The following GALNTL6 variants were observed in gnomAD, a reference collection of about 807,000 sequenced individuals.
GALNTL6 encodes polypeptide N-acetylgalactosaminyltransferase-like 6.
Under a neutral mutation model 73.7 loss-of-function variants are expected in GALNTL6, and 46 were observed. The observed-to-expected ratio is 0.62, with a 90% CI of 0.49 to 0.80. The LOEUF (loss-of-function observed/expected upper bound fraction) is 0.80. GALNTL6 is among the 30% of genes least tolerant of loss of function. The probability of loss-of-function intolerance (pLI) is 0.00; values close to 1 mark genes in which losing one functional copy is unlikely to be tolerated. For synonymous variants in GALNTL6, 259 were observed against 263.7 expected (o/e 0.98, Z 0.17); for missense variants, 604 against 755.0 (o/e 0.80, Z 2.34).
At chr4:171,953,699 C>T (rs552340910) in intron 2 of GALNTL6, among the ~76,000 whole-genome samples, 48 of 152,140 alleles carry the variant, frequency 3.2e-4, no homozygotes, top group African/African-American at 1.2e-3. Flanking sequence ...GAAAAAGCAA[C>T]ATACATGGAG....
intron 5 of GALNTL6, among the ~76,000 whole-genome samples, chr4:172,766,819 G>A (rs771865905): frequency 6.6e-6 from 1 of 152,160 alleles, no homozygotes; most frequent in Non-Finnish European, 1.5e-5. Context: ...TAGTGCCAAC[G>A]AATTACTGCA....
chr4:172,586,266 A>G (rs181090294), intron 5 of GALNTL6, among the ~76,000 whole-genome samples: 97 of 152,338 alleles, frequency 6.4e-4, no homozygotes, highest in African/African-American at 1.8e-3. Context: ...AGGAAAGAGA[A>G]TACCTTCTCC....
chr4:172,454,863 T>C (rs1732333543), intron 5 of GALNTL6, among the ~76,000 whole-genome samples: 1 of 152,176 alleles, frequency 6.6e-6, no homozygotes, highest in African/African-American at 2.4e-5. Context: ...CAAATGAAAA[T>C]AGGAAATCCT....
intron 4 of GALNTL6, among the ~76,000 whole-genome samples, chr4:172,343,732 T>C (rs148170368): frequency 6.7e-4 from 102 of 152,264 alleles, no homozygotes; most frequent in African/African-American, 2.2e-3. Flanking sequence ...AAATTTGCCA[T>C]TGAAGTTTCA....
rs112112657 is a variant in GALNTL6, at chr4:172,417,670, A to T, written c.553+68981A>T. ...TCTCAAAAAAAATAATAAAAAAATT[A>T]AAATTTAAATTGAAAAAGATATTGC... is the stretch of plus-strand genomic sequence containing the variant. On this transcript the variant is annotated intron_variant, in intron 5 of 12. Transcript: ENST00000506823. Among the ~76,000 whole-genome samples, 476 of 152,238 alleles carry T rather than the reference A, an allele frequency of 3.1e-3. 2 individuals are homozygous for T. Among genetic ancestry groups the T allele is most frequent in the African/African-American group, 0.011 (443 of 41,554 alleles).
intron 12 of GALNTL6, among the ~76,000 whole-genome samples, chr4:173,027,892 A>C (rs1306630094): frequency 6.6e-6 from 1 of 152,232 alleles, no homozygotes; most frequent in Non-Finnish European, 1.5e-5. Context: ...ACTAGCAACA[A>C]AAAATAGAAA....
chr4:171,988,138 G>A (rs1055456183), intron 2 of GALNTL6, among the ~76,000 whole-genome samples: 1 of 152,166 alleles, frequency 6.6e-6, no homozygotes, highest in African/African-American at 2.4e-5. Context: ...TGAGGGCTAG[G>A]CTAAAACAGT....
chr4:172,594,880 A>G (rs62330041), intron 5 of GALNTL6, among the ~76,000 whole-genome samples: 12,552 of 152,252 alleles, frequency 0.082, 705 homozygotes, highest in East Asian at 0.22. Flanking sequence ...TCTAGCTGCT[A>G]TAACAAAGTA....
intron 7 of GALNTL6, among the ~76,000 whole-genome samples, chr4:172,847,823 G>C (rs894113208): frequency 3.9e-5 from 6 of 152,106 alleles, no homozygotes; most frequent in Non-Finnish European, 8.8e-5. Context: ...AAACTTACAA[G>C]ACATGAGGGA....
At chr4:172,979,356 T>C (rs1750975983) in intron 10 of GALNTL6, among the ~76,000 whole-genome samples, 1 of 152,252 alleles carries the variant, frequency 6.6e-6, no homozygotes, top group South Asian at 2.1e-4. Flanking sequence ...TGTTCTTTCC[T>C]TCCCTAAAGG....
intron 2 of GALNTL6, among the ~76,000 whole-genome samples, chr4:172,014,685 A>G (rs2110786939): frequency 6.6e-6 from 1 of 152,138 alleles, no homozygotes; most frequent in East Asian, 1.9e-4. Context: ...GTAGGCATGT[A>G]ATGCTATGAA....
chr4:172,995,172 T>C (rs1253304581), intron 10 of GALNTL6, among the ~76,000 whole-genome samples: 7 of 152,144 alleles, frequency 4.6e-5, no homozygotes, highest in Non-Finnish European at 8.8e-5. Context: ...GGGAGAAGTG[T>C]TTATATTCAT....
Position 172,950,304 on chromosome 4 carries a change from A to G in GALNTL6, c.1150-1733A>G, listed in dbSNP as rs548399223. ...GATGGTAGGGTGCACAGCAATGGCA[A>G]GTAATAATCTCTCAGGGAACAATTC... On this transcript the variant is annotated intron_variant, in intron 9 of 12. Coordinates refer to ENST00000506823, the MANE Select transcript of GALNTL6 (RefSeq NM_001034845.3). Among the ~76,000 whole-genome samples the G allele has an allele frequency of 5.3e-5, 8 of 152,340 alleles. No homozygotes were observed. The South Asian group carries it at 1.7e-3, about 32-fold the overall frequency.
At chr4:171,959,853 T>C (rs1456676613) in intron 2 of GALNTL6, among the ~76,000 whole-genome samples, 1 of 152,194 alleles carries the variant, frequency 6.6e-6, no homozygotes, top group African/African-American at 2.4e-5. Flanking sequence ...TCTCCCTTTA[T>C]CCACACTCAA....
chr4:172,614,271 T>A (rs1283152141), intron 5 of GALNTL6, among the ~76,000 whole-genome samples: 3 of 152,132 alleles, frequency 2.0e-5, no homozygotes, highest in African/African-American at 7.2e-5. Flanking sequence ...AAAAAAATTG[T>A]CTCTCTATTT....
At chr4:172,706,530 C>A (rs1560893816) in intron 5 of GALNTL6, among the ~76,000 whole-genome samples, 1 of 152,040 alleles carries the variant, frequency 6.6e-6, no homozygotes, top group African/African-American at 2.4e-5. Flanking sequence ...ATGTCTATGT[C>A]TTTGCACTTA....
chr4:172,483,612 G>A (rs1733570537), intron 5 of GALNTL6, among the ~76,000 whole-genome samples: 3 of 152,264 alleles, frequency 2.0e-5, no homozygotes, highest in South Asian at 4.1e-4. Flanking sequence ...AAAAACAATA[G>A]AAAATTGAAC....
chr4:172,215,196 A>G (rs978346134), intron 2 of GALNTL6, among the ~76,000 whole-genome samples: 1 of 151,980 alleles, frequency 6.6e-6, no homozygotes, highest in Non-Finnish European at 1.5e-5. Context: ...ACTTTGGTGA[A>G]TGTTTTTGAA....
At chr4:172,232,075 A>G (rs1202060725) in intron 3 of GALNTL6, among the ~76,000 whole-genome samples, 1 of 151,838 alleles carries the variant, frequency 6.6e-6, no homozygotes, top group African/African-American at 2.4e-5. Context: ...ACAGTGAAAT[A>G]TATCATAAAT....
Sources: allele counts gnomAD v4.1 joint callset (sites outside exome capture counted in the v4.1 genomes callset), GRCh38; gene constraint gnomAD v4.1.1; transcripts MANE v1.5; gene names NCBI Gene and HGNC (gene_info 2026-07-23, HGNC 2026-07-21).